Variants in PTK2 observed in about 807,000 individuals in gnomAD.
PTK2 encodes the protein protein tyrosine kinase 2.
In PTK2, 45 loss-of-function variants were observed where a neutral mutation model predicts 150.1. That is an observed-to-expected ratio of 0.30 (90% CI 0.24 to 0.38). PTK2 has a LOEUF of 0.38. Among genes scored for constraint, PTK2 ranks in the 10% least tolerant of loss-of-function variants. The pLI, the probability that PTK2 is intolerant of heterozygous loss-of-function variation, is 1.00. For missense variants in PTK2, 919 were observed against 1,307.3 expected, an observed-to-expected ratio of 0.70 and a Z score of 4.58; for synonymous variants, 432 against 449.2, an observed-to-expected ratio of 0.96 and a Z score of 0.48.
At chr8:140,846,573 G>C (rs942104614) in intron 6 of PTK2, 26 bp downstream of exon 6, 5 of 1,515,384 alleles carry the variant, frequency 3.3e-6, no homozygotes, top group African/African-American at 1.4e-5. Context: ...ATAAATAAAG[G>C]CCGCAATGTA....
chr8:140,675,369 G>A (rs1220789353), intron 28 of PTK2, 91 bp downstream of exon 31: 2 of 1,364,418 alleles, frequency 1.5e-6, no homozygotes, highest in African/African-American at 1.4e-5. Context: ...TAACCATGAG[G>A]GTATTCCAAA....
chr8:140,816,086 T>C (rs568517132), intron 10 of PTK2, among the ~76,000 whole-genome samples: 1 of 152,258 alleles, frequency 6.6e-6, no homozygotes, highest in South Asian at 2.1e-4. Context: ...ATTATACACT[T>C]ATAAAATCCA....
At chr8:140,682,325 C>T (rs1021656408) in intron 27 of PTK2, among the ~76,000 whole-genome samples, 14 of 152,138 alleles carry the variant, frequency 9.2e-5, no homozygotes, top group Non-Finnish European at 1.2e-4. Flanking sequence ...GAGGTTATCA[C>T]GCCACTGTAC....
intron 2 of PTK2, among the ~76,000 whole-genome samples, chr8:140,900,496 C>T (rs1010560315): frequency 2.0e-5 from 3 of 151,914 alleles, no homozygotes; most frequent in Non-Finnish European, 2.9e-5. Context: ...TCAAGGCAGG[C>T]GTATCACTAG....
At chr8:140,982,607 G>GA (rs2100191861) in intron 1 of PTK2, among the ~76,000 whole-genome samples, 1 of 152,042 alleles carries the variant, frequency 6.6e-6, no homozygotes, top group African/African-American at 2.4e-5. Context: ...CAAAAAAAAA[G>GA]AAAGAAAGAA....
upstream of PTK2, among the ~76,000 whole-genome samples, chr8:141,001,833 A>G (rs1010266752): frequency 6.6e-6 from 1 of 152,226 alleles, no homozygotes; most frequent in African/African-American, 2.4e-5. Context: ...TTTGCAGACA[A>G]GGAAACTGAG....
intron 5 of PTK2, among the ~76,000 whole-genome samples, chr8:140,853,594 T>C (rs1361788681): frequency 6.6e-6 from 1 of 152,104 alleles, no homozygotes; most frequent in Non-Finnish European, 1.5e-5. Context: ...CTATCACTGA[T>C]GGACATTTGG....
chr8:140,745,714 G>C (rs1479045576), intron 18 of PTK2, among the ~76,000 whole-genome samples: 1 of 152,140 alleles, frequency 6.6e-6, no homozygotes, highest in African/African-American at 2.4e-5. Context: ...TTAAAAGAAA[G>C]TACGGCCATG....
chr8:140,708,719 G>A (rs1253209757), intron 23 of PTK2, among the ~76,000 whole-genome samples: 1 of 152,252 alleles, frequency 6.6e-6, no homozygotes, highest in East Asian at 1.9e-4. Context: ...TGCTAGGGTG[G>A]CAATTTCCAA....
At chr8:140,886,370 G>A in intron 3 of PTK2, among the ~76,000 whole-genome samples, 1 of 152,180 alleles carries the variant, frequency 6.6e-6, no homozygotes, top group Non-Finnish European at 1.5e-5. Flanking sequence ...GTCTAGGAGA[G>A]AACAAGATGG....
chr8:140,789,979 A>G (rs73714750), intron 13 of PTK2, among the ~76,000 whole-genome samples: 5,413 of 152,258 alleles, frequency 0.036, 317 homozygotes, highest in African/African-American at 0.12. Flanking sequence ...AAAATTATCA[A>G]GCAATACATT....
rs368433395 is a variant in PTK2, at chr8:140,976,834, CTGAGT to C, written c.-122+24286_-122+24290del. Among the ~76,000 whole-genome samples the C allele has an allele frequency of 2.0e-4, 31 of 152,256 alleles. No individual in the cohort carries two copies. In the East Asian group the frequency reaches 6.0e-3, roughly 29 times the overall value. On this transcript the variant is annotated intron_variant, in intron 1 of 31. Coordinates refer to ENST00000522684, the Ensembl canonical transcript of PTK2. ...TAAGTGGCTAGGTACCTAAAAGTTT[CTGAGT>C]TGAGACCAAGATTTTAGCCAAATTC...
intron 2 of PTK2, among the ~76,000 whole-genome samples, chr8:140,917,741 A>C (rs995446367): frequency 1.3e-5 from 2 of 152,224 alleles, no homozygotes; most frequent in African/African-American, 4.8e-5. Flanking sequence ...GAAGAAAAAA[A>C]ACTGACATTA....
At chr8:140,757,827 A>T (rs569896971) in intron 16 of PTK2, among the ~76,000 whole-genome samples, 1 of 152,352 alleles carries the variant, frequency 6.6e-6, no homozygotes, top group African/African-American at 2.4e-5. Flanking sequence ...TAGTGGTCTC[A>T]TAAGATTATA....
At chr8:140,669,301 G>GTATATATATATATATATATATATATA (rs35271369) in intron 29 of PTK2, 6 of 97,984 alleles carry the variant, frequency 6.1e-5, no homozygotes, top group Non-Finnish European at 9.6e-5. Flanking sequence ...GCATAAAATG[G>GTATATATATATATATATATATATATA]TATATATATA....
intron 2 of PTK2, 21 bp from the exon 3 acceptor site, chr8:140,890,790 T>C (rs772290447): frequency 6.3e-6 from 10 of 1,595,334 alleles, no homozygotes; most frequent in Non-Finnish European, 7.7e-6. Flanking sequence ...AACAAAATAA[T>C]TTTTTGTGTA....
At chr8:140,724,411 CTT>C (rs754631552) in intron 22 of PTK2, among the ~76,000 whole-genome samples, 5 of 152,176 alleles carry the variant, frequency 3.3e-5, no homozygotes, top group Admixed American at 6.5e-5. Context: ...TAACTTTTCT[CTT>C]TGCAAATACA....
chr8:140,669,301 G>GTATGTGTATATATATATATA (rs547959878), intron 29 of PTK2: 7 of 97,992 alleles, frequency 7.1e-5, no homozygotes, highest in African/African-American at 3.3e-4. Flanking sequence ...GCATAAAATG[G>GTATGTGTATATATATATATA]TATATATATA....
intron 23 of PTK2, among the ~76,000 whole-genome samples, chr8:140,708,239 C>T (rs1227975730): frequency 6.6e-6 from 1 of 152,164 alleles, no homozygotes; most frequent in Non-Finnish European, 1.5e-5. Context: ...GCTGGGTGAA[C>T]ACGTGCTTTG....
Sources: gnomAD v4.1 joint callset for allele counts (sites outside exome capture counted in the v4.1 genomes callset) on GRCh38, gnomAD v4.1.1 for gene constraint, MANE v1.5 for transcripts, NCBI Gene and HGNC (gene_info 2026-07-23, HGNC 2026-07-21) for gene names.